VEGFD: variants seen among roughly 807,000 people sequenced by gnomAD.
VEGFD encodes the protein vascular endothelial growth factor D.
VEGFD carries 26 observed loss-of-function variants against 28.0 expected under a neutral mutation model. That is an observed-to-expected ratio of 0.93 (90% CI 0.68 to 1.29). The LOEUF is 1.29. Ranked by LOEUF, VEGFD falls within the 50% of genes most tolerant of loss-of-function variation. The pLI is 0.00. For missense variants in VEGFD, 294 were observed against 273.4 expected (o/e 1.08, Z -0.53); for synonymous variants, 93 against 95.5 (o/e 0.97, Z 0.15).
At chrX:15,362,448 GC>G (rs1215606811) in intron 2 of VEGFD, among the ~76,000 whole-genome samples, 2 of 110,150 alleles carry the variant, frequency 1.8e-5, no homozygotes, top group African/African-American at 6.6e-5. Flanking sequence ...ACAGGATCTT[GC>G]TCTGTTGCCC....
intron 1 of VEGFD, among the ~76,000 whole-genome samples, chrX:15,374,782 TTTTC>T (rs1473841069): frequency 3.3e-4 from 35 of 105,699 alleles, no homozygotes; most frequent in African/African-American, 1.3e-3. Context: ...TTTCTTTTTC[TTTTC>T]TTTTTTTTTT....
intron 4 of VEGFD, among the ~76,000 whole-genome samples, chrX:15,353,635 A>G (rs1922787314): frequency 9.0e-6 from 1 of 110,991 alleles, no homozygotes; most frequent in Non-Finnish European, 1.9e-5. Context: ...AGCTACTTGG[A>G]AGGCTGAGGC....
intron 1 of VEGFD, among the ~76,000 whole-genome samples, chrX:15,375,153 T>A (rs190171215): frequency 2.0e-4 from 22 of 111,775 alleles, no homozygotes; most frequent in East Asian, 1.7e-3. Context: ...CATTAAAAAA[T>A]TTTTTAAAAG....
intron 1 of VEGFD, among the ~76,000 whole-genome samples, chrX:15,374,786 CT>C (rs558207454): frequency 1.6e-3 from 161 of 97,927 alleles, no homozygotes; most frequent in Non-Finnish European, 1.4e-3. Context: ...TTTTTCTTTT[CT>C]TTTTTTTTTT....
intron 5 of VEGFD, 150 bp downstream of exon 5, chrX:15,352,918 T>C (rs1922766998): frequency 3.8e-6 from 1 of 266,107 alleles, no homozygotes; most frequent in South Asian, 6.7e-5. Context: ...ATAACAATAG[T>C]ACATTACAGG....
At position 15,346,126 on chromosome X, in the gene VEGFD, C is replaced by T. The variant is rs376884465; in HGVS notation, c.*7G>A. Reference sequence around the variant, plus strand: ...AATGACAGGGATGGGGAACTTGGAACGCTGAATCAAGGATTCTTTCGGCTG... The same window carrying T: ...AATGACAGGGATGGGGAACTTGGAATGCTGAATCAAGGATTCTTTCGGCTG... On this transcript the variant is annotated 3_prime_UTR_variant, in exon 7 of 7. Coordinates refer to ENST00000297904, the MANE Select transcript of VEGFD (RefSeq NM_004469.5). The T allele has an allele frequency of 2.5e-4, 301 of 1,206,542 alleles. 1 individual carries two copies. In the African/African-American group the frequency reaches 4.7e-3, roughly 19 times the overall value.
intron 1 of VEGFD, among the ~76,000 whole-genome samples, chrX:15,377,132 T>A (rs956743500): frequency 8.9e-6 from 1 of 112,617 alleles, no homozygotes; most frequent in Non-Finnish European, 1.9e-5. Flanking sequence ...TCCCTGACTG[T>A]TAGTAAGACA....
intron 6 of VEGFD, among the ~76,000 whole-genome samples, chrX:15,346,907 G>A (rs759083832): frequency 9.1e-6 from 1 of 110,354 alleles, no homozygotes; most frequent in African/African-American, 3.3e-5. Context: ...CTCCAGCCTG[G>A]AGACAGAGCG....
intron 2 of VEGFD, among the ~76,000 whole-genome samples, chrX:15,359,379 T>C (rs1482216659): frequency 1.1e-4 from 11 of 102,639 alleles, no homozygotes; most frequent in Admixed American, 9.6e-4. Flanking sequence ...TTTTTTTTTT[T>C]TTTTTAGCTT....
In VEGFD at chrX:15,359,230, T is replaced by C. The variant is rs747815368; in HGVS notation, c.302-1037A>G. On this transcript the variant is annotated intron_variant, in intron 2 of 6. Transcript: ENST00000297904. ...AGAGAATACAGCAAAAGTGATGGGA[T>C]ACCACTTCCATGATGAAGTTAAAAA... Among the ~76,000 whole-genome samples, 12 of 110,448 alleles carry C rather than the reference T, an allele frequency of 1.1e-4. 1 individual carries two copies. The South Asian group carries it at 4.6e-3, about 43-fold the overall frequency.
At chrX:15,354,550 T>C (rs944434631) in intron 4 of VEGFD, among the ~76,000 whole-genome samples, 1 of 112,031 alleles carries the variant, frequency 8.9e-6, no homozygotes, top group Non-Finnish European at 1.9e-5. Flanking sequence ...CTTTTTTTTC[T>C]TCAAATAAGT....
At chrX:15,350,719 C>CTCTT (rs59286152) in intron 5 of VEGFD, among the ~76,000 whole-genome samples, 46,712 of 106,612 alleles carry the variant, frequency 0.44, 8,097 homozygotes, top group South Asian at 0.55. Context: ...TACTTTCTTT[C>CTCTT]TCTTTCTTTC....
At chrX:15,371,891 TA>T (rs1316179528) in intron 1 of VEGFD, among the ~76,000 whole-genome samples, 7 of 112,038 alleles carry the variant, frequency 6.2e-5, no homozygotes, top group Non-Finnish European at 1.3e-4. Flanking sequence ...GAAAATTACT[TA>T]AAAAATGAAT....
At chrX:15,378,429 C>A (rs964222675) in intron 1 of VEGFD, among the ~76,000 whole-genome samples, 12 of 111,842 alleles carry the variant, frequency 1.1e-4, no homozygotes, top group African/African-American at 2.9e-4. Context: ...ATATCCTGAT[C>A]CTGGGTATCT....
At chrX:15,350,708 T>C (rs1281022587) in intron 5 of VEGFD, among the ~76,000 whole-genome samples, 1 of 89,347 alleles carries the variant, frequency 1.1e-5, no homozygotes, top group Non-Finnish European at 2.3e-5. Context: ...CCACAGTAAC[T>C]TACTTTCTTT....
intron 1 of VEGFD, among the ~76,000 whole-genome samples, chrX:15,381,759 T>C (rs1218574621): frequency 2.7e-5 from 3 of 111,510 alleles, no homozygotes; most frequent in African/African-American, 9.8e-5. Flanking sequence ...AACTTCTGTT[T>C]AGCTATAGGC....
intron 1 of VEGFD, among the ~76,000 whole-genome samples, chrX:15,368,081 A>AG (rs1418501666): frequency 2.6e-4 from 28 of 107,784 alleles, no homozygotes; most frequent in Middle Eastern, 4.9e-3. Flanking sequence ...AAAGAAAGAA[A>AG]GAAAAGAAAG....
intron 5 of VEGFD, among the ~76,000 whole-genome samples, chrX:15,351,764 G>A (rs1005078318): frequency 8.9e-6 from 1 of 112,494 alleles, no homozygotes; most frequent in African/African-American, 3.2e-5. Context: ...ATGTAGGCTA[G>A]CTCATAAATT....
intron 2 of VEGFD, among the ~76,000 whole-genome samples, chrX:15,360,911 T>C (rs964882036): frequency 3.6e-5 from 4 of 112,309 alleles, no homozygotes; most frequent in African/African-American, 1.3e-4. Flanking sequence ...CAAAATCATA[T>C]GCAATTATGA....
Sources: gnomAD v4.1 joint callset for allele counts (sites outside exome capture counted in the v4.1 genomes callset) on GRCh38, gnomAD v4.1.1 for gene constraint, MANE v1.5 for transcripts, NCBI Gene and HGNC (gene_info 2026-07-23, HGNC 2026-07-21) for gene names.